Variants in SPINT2 observed in about 807,000 individuals in gnomAD.
The protein encoded by SPINT2 is kunitz-type protease inhibitor 2.
In SPINT2, 18 loss-of-function variants were observed where a neutral mutation model predicts 30.1. The ratio of observed to expected loss-of-function variants is 0.60; its 90% CI spans 0.41 to 0.89. The LOEUF (loss-of-function observed/expected upper bound fraction) is 0.89, where lower values mean the gene tolerates loss of function less well. Among genes scored for constraint, SPINT2 ranks in the 40% least tolerant of loss-of-function variants. The pLI is 0.00. For synonymous variants in SPINT2, 139 were observed against 137.9 expected, an observed-to-expected ratio of 1.01 and a Z score of -0.05; for missense variants, 276 against 334.3, an observed-to-expected ratio of 0.83 and a Z score of 1.36.
At chr19:38,288,183 C>G (rs985219210) in intron 3 of SPINT2, among the ~76,000 whole-genome samples, 1 of 152,200 alleles carries the variant, frequency 6.6e-6, no homozygotes, top group African/African-American at 2.4e-5. Flanking sequence ...CCATCTCCTC[C>G]TGGAGGATGG....
intron 2 of SPINT2, among the ~76,000 whole-genome samples, chr19:38,287,073 A>G (rs927656667): frequency 3.3e-5 from 5 of 151,886 alleles, no homozygotes; most frequent in Non-Finnish European, 5.9e-5. Flanking sequence ...TTGGAGTGCA[A>G]TGGTCAATGG....
rs543077365 is a variant in SPINT2 at position 38,271,241 on chromosome 19, C to T, written c.106+6243C>T. Among the ~76,000 whole-genome samples the T allele has an allele frequency of 3.3e-5, 5 of 152,258 alleles. No homozygotes were observed. In the South Asian group the frequency reaches 1.0e-3, roughly 32 times the overall value. On this transcript the variant is annotated intron_variant, in intron 1 of 6. Transcript: ENST00000301244. ...GCGCGGTGGCTCATGCCTGTAACCC[C>T]AGCACTTTGGGAGGCCGAGGCAGGC...
rs117637633 is a variant in SPINT2 at position 38,280,599 on chromosome 19, G to T, written c.107-3028G>T. Reference sequence around the variant, plus strand: ...TGTTGGCCAGGTTCTAGGCAGGGTTGAATTCACCAAGGTAACTGCCATCCA... The same window carrying T: ...TGTTGGCCAGGTTCTAGGCAGGGTTTAATTCACCAAGGTAACTGCCATCCA... On this transcript the variant is annotated intron_variant, in intron 1 of 6. Coordinates refer to ENST00000301244, the MANE Select transcript of SPINT2 (RefSeq NM_021102.4). 1.2e-3 allele frequency among the ~76,000 whole-genome samples: 189 copies of T among 152,256 alleles called. 2 individuals carry two copies. The East Asian group carries it at 0.022, about 17-fold the overall frequency.
At chr19:38,268,823 G>A (rs1189549443) in intron 1 of SPINT2, among the ~76,000 whole-genome samples, 1 of 151,444 alleles carries the variant, frequency 6.6e-6, no homozygotes, top group Non-Finnish European at 1.5e-5. Flanking sequence ...CCTTATATCA[G>A]GTAGCTGCAG....
chr19:38,273,582 T>TGGAG (rs1427863534), intron 1 of SPINT2, among the ~76,000 whole-genome samples: 2 of 152,248 alleles, frequency 1.3e-5, no homozygotes, highest in African/African-American at 4.8e-5. Context: ...GTGGAAAGCA[T>TGGAG]GGAGGGTTTG....
At chr19:38,281,394 CAG>C (rs1460236261) in intron 1 of SPINT2, among the ~76,000 whole-genome samples, 3 of 151,990 alleles carry the variant, frequency 2.0e-5, no homozygotes, top group African/African-American at 7.2e-5. Flanking sequence ...GCTTAGGTGA[CAG>C]AGGAAGACCC....
chr19:38,277,016 G>A (rs763875544), intron 1 of SPINT2, among the ~76,000 whole-genome samples: 6 of 151,836 alleles, frequency 4.0e-5, no homozygotes, highest in Non-Finnish European at 8.8e-5. Flanking sequence ...TGGCCAGGCT[G>A]GTCTCGAACT....
At chr19:38,286,041 C>T (rs76083512) in intron 2 of SPINT2, among the ~76,000 whole-genome samples, 7,387 of 152,192 alleles carry the variant, frequency 0.049, 561 homozygotes, top group African/African-American at 0.16. Flanking sequence ...AGTCCGGCCC[C>T]GCCTTGCAGG....
chr19:38,290,811 C>T lies in SPINT2; in HGVS notation c.592+236C>T, dbSNP rs1332526252. 4.8e-6 allele frequency: 3 copies of T among 629,120 alleles called. No homozygotes were observed. The highest frequency in any genetic ancestry group is 3.6e-5 in the South Asian group (2 of 55,950). 39.0% of individuals were successfully genotyped at this position (629,120 alleles called of 1,614,324 possible). ...GGCCCTGCCCAGGCGGCGTGGGTGA[C>T]TGGGGATGAGGTCTTCCTGTTGAGC... On this transcript the variant is annotated intron_variant, in intron 6 of 6. Coordinates refer to ENST00000301244, the MANE Select transcript of SPINT2 (RefSeq NM_021102.4). The surrounding 1 kb of genome is among the most constrained non-coding windows in gnomAD (Gnocchi z 4.3).
chr19:38,279,192 T>TA (rs997492075), intron 1 of SPINT2, among the ~76,000 whole-genome samples: 73 of 140,654 alleles, frequency 5.2e-4, no homozygotes, highest in South Asian at 6.8e-4. Context: ...GAAATTTGAG[T>TA]AAAAAAAAAA....
In SPINT2 at chr19:38,291,862, C is replaced by G. The variant is rs372451580; in HGVS notation, c.615C>G (p.Phe205Leu). ...CAGTGGTGGTTCTGGCGGGGCTGTT[C>G]GTGATGGTGTTGATCCTCTTCCTGG... ...GSKVVVLAGL[F>L]VMVLILFLGA... Residue 205 changes from phenylalanine (F) to leucine (L), a missense_variant, in exon 7 of 7, where the codon TTC becomes TTG. Physicochemically the swap from Phe to Leu is conservative, Grantham distance 22. Coordinates refer to ENST00000301244, the MANE Select transcript of SPINT2 (RefSeq NM_021102.4). 3.0e-5 allele frequency: 48 copies of G among 1,612,898 alleles called. 1 individual carries two copies. The Admixed American group carries it at 3.2e-4, about 11-fold the overall frequency.
rs891191763 is a variant in SPINT2 at position 38,264,848 on chromosome 19, C to G, written c.-45C>G. The G allele has an allele frequency of 2.2e-5, 33 of 1,523,398 alleles. No individual in the cohort carries two copies. The Admixed American group carries it at 2.8e-4, about 13-fold the overall frequency. The allele number at this position is 1,523,398 out of a possible 1,614,324, so 94.4% of individuals were successfully genotyped here. A position where few individuals can be genotyped will look rare whatever the true frequency, so the allele number is the denominator to read the frequency against. On this transcript the variant is annotated 5_prime_UTR_variant, in exon 1 of 7. Transcript: ENST00000301244. Reference sequence around the variant, plus strand: ...GGCTTCCCGCACCTGATCGCGAGACCCCAACGGCTGGTGGCGTCGCCTGCG... The same window carrying G: ...GGCTTCCCGCACCTGATCGCGAGACGCCAACGGCTGGTGGCGTCGCCTGCG...
At chr19:38,282,360 G>T (rs965349308) in intron 1 of SPINT2, among the ~76,000 whole-genome samples, 2 of 152,206 alleles carry the variant, frequency 1.3e-5, no homozygotes, top group African/African-American at 4.8e-5. Flanking sequence ...CCCTGTGCAG[G>T]TTGGAATGCC....
chr19:38,290,758 G>C lies in SPINT2; in HGVS notation c.592+183G>C, dbSNP rs1382201078. ...GTCCCACCGTTCAGTGTACACAGTT[G>C]GGGCTGGAGTGAGTCAGTCACAAGG... On this transcript the variant is annotated intron_variant, in intron 6 of 6. Transcript: ENST00000301244. This position sits in a 1 kb window ranked among gnomAD's most constrained non-coding sequence, Gnocchi z 4.3. The C allele has an allele frequency of 5.8e-6, 5 of 869,092 alleles. No individual in the cohort carries two copies. Among genetic ancestry groups the C allele is most frequent in the Non-Finnish European group, 9.1e-6 (5 of 552,446 alleles). The allele number at this position is 869,092 out of a possible 1,614,324, so 53.8% of individuals were successfully genotyped here.
intron 1 of SPINT2, among the ~76,000 whole-genome samples, chr19:38,275,609 G>A (rs1968507389): frequency 6.6e-6 from 1 of 152,156 alleles, no homozygotes; most frequent in Admixed American, 6.6e-5. Context: ...TTTTTGTAGA[G>A]ACAGGGTCTC....
Position 38,290,862 on chromosome 19 carries a change from T to C in SPINT2, c.592+287T>C. The C allele has an allele frequency of 1.9e-6, 1 of 528,218 alleles. No homozygotes were observed. Among genetic ancestry groups the C allele is most frequent in the Non-Finnish European group, 3.5e-6 (1 of 288,880 alleles). The allele number at this position is 528,218 out of a possible 1,614,324, so 32.7% of individuals were successfully genotyped here. On this transcript the variant is annotated intron_variant, in intron 6 of 6. Coordinates refer to ENST00000301244, the MANE Select transcript of SPINT2 (RefSeq NM_021102.4). This position sits in a 1 kb window ranked among gnomAD's most constrained non-coding sequence, Gnocchi z 4.3. ...ATTTGAGGACTGCTGCACACGGGCCTGAGGCTGGCCTGAGGTGTGGAGGGA... is the reference window on the plus strand; with the variant it reads ...ATTTGAGGACTGCTGCACACGGGCCCGAGGCTGGCCTGAGGTGTGGAGGGA...
rs961854950 is a variant in SPINT2, at chr19:38,292,339, T to G, written c.*333T>G. 2 of 203,118 alleles carry G rather than the reference T, an allele frequency of 9.8e-6. No individual in the cohort carries two copies. Among genetic ancestry groups the G allele is most frequent in the East Asian group, 2.3e-4 (2 of 8,866 alleles). The allele number at this position is 203,118 out of a possible 1,614,324, so 12.6% of individuals were successfully genotyped here. A position where few individuals can be genotyped will look rare whatever the true frequency, so the allele number is the denominator to read the frequency against. ...TGATGTTGGAATCGTTTCTTTTGTT[T>G]GTCTGATTTATGGTTTTTTTAAGTA... On this transcript the variant is annotated 3_prime_UTR_variant, in exon 7 of 7. Coordinates refer to ENST00000301244, the MANE Select transcript of SPINT2 (RefSeq NM_021102.4).
intron 1 of SPINT2, among the ~76,000 whole-genome samples, chr19:38,266,297 AC>A (rs1183683705): frequency 2.0e-5 from 3 of 150,948 alleles, no homozygotes; most frequent in Non-Finnish European, 4.4e-5. Flanking sequence ...TGGTGCTTGA[AC>A]CCGGGAGGCG....
intron 2 of SPINT2, among the ~76,000 whole-genome samples, chr19:38,285,273 T>C (rs1405941947): frequency 3.3e-5 from 5 of 152,182 alleles, no homozygotes; most frequent in Admixed American, 6.5e-5. Flanking sequence ...TGATGAGACA[T>C]TGGCCCTTTG....
Sources: allele counts gnomAD v4.1 joint callset (sites outside exome capture counted in the v4.1 genomes callset), GRCh38; gene constraint gnomAD v4.1.1; non-coding constraint Gnocchi (gnomAD v3.1); transcripts MANE v1.5; gene names NCBI Gene and HGNC (gene_info 2026-07-23, HGNC 2026-07-21).